MSH3: variants seen among roughly 807,000 people sequenced by gnomAD.
MSH3 encodes mutS homolog 3.
MSH3 carries 106 observed loss-of-function variants against 123.3 expected under a neutral mutation model. The ratio of observed to expected loss-of-function variants is 0.86; its 90% CI spans 0.73 to 1.01. The LOEUF is 1.01. Ranked by LOEUF, MSH3 falls within the 50% of genes least tolerant of loss-of-function variation. MSH3 has a pLI of 0.00. For missense variants in MSH3, 1,459 were observed against 1,347.6 expected (o/e 1.08, Z -1.29); for synonymous variants, 515 against 481.4 (o/e 1.07, Z -0.91).
chr5:80,746,720 T>A (rs564846505), intron 12 of MSH3: 8 of 384,590 alleles, frequency 2.1e-5, no homozygotes, highest in Non-Finnish European at 4.2e-5. Flanking sequence ...CATCATCCAT[T>A]CTCATATCTT....
chr5:80,763,091 C>G (rs986622161), intron 13 of MSH3, among the ~76,000 whole-genome samples: 1 of 152,184 alleles, frequency 6.6e-6, no homozygotes, highest in African/African-American at 2.4e-5. Flanking sequence ...AGGTGATCCA[C>G]CCGCCTCGGC....
intron 18 of MSH3, among the ~76,000 whole-genome samples, chr5:80,792,139 G>C (rs1744617194): frequency 6.6e-6 from 1 of 152,060 alleles, no homozygotes; most frequent in Non-Finnish European, 1.5e-5. Flanking sequence ...AATTTTATGT[G>C]ATTTACTTTA....
rs116579312 is a variant in MSH3 at position 80,867,635 on chromosome 5, G to C, written c.3130+2693G>C. 3.7e-3 allele frequency among the ~76,000 whole-genome samples: 564 copies of C among 152,218 alleles called. 5 individuals carry two copies. Among genetic ancestry groups the C allele is most frequent in the African/African-American group, 0.013 (540 of 41,534 alleles). ...AGGGGTGGAATAAATGTTGAATTAGGCTACTACTAATATCAACTAAAGGAG... is the reference window on the plus strand; with the variant it reads ...AGGGGTGGAATAAATGTTGAATTAGCCTACTACTAATATCAACTAAAGGAG... On this transcript the variant is annotated intron_variant, in intron 22 of 23. Transcript: ENST00000265081.
chr5:80,862,437 A>G (rs1746029991), intron 21 of MSH3, among the ~76,000 whole-genome samples: 1 of 152,134 alleles, frequency 6.6e-6, no homozygotes, highest in Non-Finnish European at 1.5e-5. Flanking sequence ...AGAATATATA[A>G]AATATGCCTT....
chr5:80,819,346 A>G (rs932139462), intron 20 of MSH3, among the ~76,000 whole-genome samples: 7 of 132,512 alleles, frequency 5.3e-5, no homozygotes, highest in East Asian at 4.3e-4. Flanking sequence ...GTGTGTGTGT[A>G]TATATATGTA....
intron 8 of MSH3, among the ~76,000 whole-genome samples, chr5:80,696,804 T>G (rs1376514755): frequency 6.6e-6 from 1 of 152,214 alleles, no homozygotes; most frequent in East Asian, 1.9e-4. Flanking sequence ...TATTTTGATC[T>G]AATTATAATA....
At chr5:80,829,426 C>T (rs374893765) in intron 20 of MSH3, among the ~76,000 whole-genome samples, 51 of 152,198 alleles carry the variant, frequency 3.4e-4, no homozygotes, top group African/African-American at 1.2e-3. Flanking sequence ...TCTTAATTTA[C>T]TGAGAGTTTT....
intron 3 of MSH3, among the ~76,000 whole-genome samples, chr5:80,665,739 T>G (rs930801847): frequency 2.0e-5 from 3 of 152,316 alleles, no homozygotes; most frequent in Admixed American, 6.5e-5. Flanking sequence ...ACTTAGATAT[T>G]TTGAGGTTTC....
intron 12 of MSH3, among the ~76,000 whole-genome samples, chr5:80,750,078 A>AGTGTGCGT (rs138305039): frequency 1.5e-4 from 20 of 134,258 alleles, no homozygotes; most frequent in African/African-American, 5.7e-4. Context: ...AGTATTCCAG[A>AGTGTGCGT]GTGTGTGTGT....
rs201874762 is a variant in MSH3 at position 80,654,880 on chromosome 5, T to TGCAGCGGCTGCAGCGGCC, written c.162_179dup (p.Ala57_Ala62dup). The TGCAGCGGCTGCAGCGGCC allele has an allele frequency of 2.5e-5, 38 of 1,538,810 alleles. No homozygotes were observed. The highest frequency in any genetic ancestry group is 3.4e-5 in the South Asian group (3 of 87,424). ...CAGCCGACCAGGTGGACCCTGGCGC[T>TGCAGCGGCTGCAGCGGCC]GCAGCGGCTGCAGCGGCCGCAGCGG... On this transcript the variant is annotated inframe_insertion, in exon 1 of 24. Coordinates refer to ENST00000265081, the MANE Select transcript of MSH3 (RefSeq NM_002439.5).
At position 80,778,713 on chromosome 5, in the gene MSH3, C is replaced by T. The variant is rs750027650; in HGVS notation, c.2319-7C>T. On this transcript the variant is annotated splice_region_variant and splice_polypyrimidine_tract_variant and intron_variant, in intron 16 of 23. Coordinates refer to ENST00000265081, the MANE Select transcript of MSH3 (RefSeq NM_002439.5). ...ATTTCCTATTTGTGTTCTTTCCCCT[C>T]TTCTAGCACAAAAGCTGTGAGCCGC... 2.0e-6 allele frequency: 3 copies of T among 1,535,054 alleles called. No individual in the cohort carries two copies. In the Admixed American group the frequency reaches 5.0e-5, roughly 26 times the overall value.
intron 20 of MSH3, among the ~76,000 whole-genome samples, chr5:80,828,865 C>G (rs562051993): frequency 2.4e-4 from 37 of 152,294 alleles, no homozygotes; most frequent in Middle Eastern, 3.4e-3. Context: ...GCAGCCCCAC[C>G]ACCTAGGCTT....
At chr5:80,850,301 A>G (rs1028740431) in intron 20 of MSH3, among the ~76,000 whole-genome samples, 3 of 151,740 alleles carry the variant, frequency 2.0e-5, no homozygotes, top group African/African-American at 7.3e-5. Context: ...AACTGTTGCA[A>G]CCTCTGTCTG....
rs534735188 is a variant in MSH3, at chr5:80,876,648, A to G, written c.*786A>G. The stretch of plus-strand genomic sequence containing the variant: ...CATCTCAAAAAAAAAAAAAGAAAAA[A>G]GAAAAGAAATAGAATTATCAAGCTT... On this transcript the variant is annotated 3_prime_UTR_variant, in exon 24 of 24. Transcript: ENST00000265081. Among the ~76,000 whole-genome samples, 217 of 152,088 alleles carry G rather than the reference A, an allele frequency of 1.4e-3. 1 individual carries two copies. The highest frequency in any genetic ancestry group is 5.1e-3 in the African/African-American group (212 of 41,508).
chr5:80,773,012 C>T (rs897061234), intron 15 of MSH3, among the ~76,000 whole-genome samples: 7 of 152,162 alleles, frequency 4.6e-5, no homozygotes, highest in African/African-American at 9.7e-5. Flanking sequence ...AGTGATTGTG[C>T]TCCTAGAGTA....
chr5:80,673,307 T>C (rs1749762486), intron 6 of MSH3, among the ~76,000 whole-genome samples: 1 of 152,122 alleles, frequency 6.6e-6, no homozygotes, highest in African/African-American at 2.4e-5. Flanking sequence ...AGTGGGCAGA[T>C]TGCTTGAGCC....
chr5:80,676,220 G>A (rs1749836165), intron 7 of MSH3, among the ~76,000 whole-genome samples: 1 of 152,066 alleles, frequency 6.6e-6, no homozygotes, highest in Non-Finnish European at 1.5e-5. Context: ...TAGTAGAAAT[G>A]GGGTTTCACC....
At chr5:80,684,354 A>C (rs1750038059) in intron 8 of MSH3, among the ~76,000 whole-genome samples, 1 of 152,026 alleles carries the variant, frequency 6.6e-6, no homozygotes, top group Admixed American at 6.6e-5. Context: ...TCAATGTTTT[A>C]CATCAGTGTT....
intron 12 of MSH3, among the ~76,000 whole-genome samples, chr5:80,750,321 T>A (rs1394416562): frequency 6.6e-6 from 1 of 152,130 alleles, no homozygotes; most frequent in Non-Finnish European, 1.5e-5. Flanking sequence ...GCATACTGTT[T>A]TACAAAGTGA....
Sources: gnomAD v4.1 joint callset for allele counts (sites outside exome capture counted in the v4.1 genomes callset) on GRCh38, gnomAD v4.1.1 for gene constraint, MANE v1.5 for transcripts, NCBI Gene and HGNC (gene_info 2026-07-23, HGNC 2026-07-21) for gene names.